RNF144A: variants seen among roughly 807,000 people sequenced by gnomAD.
RNF144A encodes the protein ring finger protein 144A.
In RNF144A, 11 loss-of-function variants were observed where a neutral mutation model predicts 38.7. That is an observed-to-expected ratio of 0.28 (90% CI 0.18 to 0.47). The LOEUF (loss-of-function observed/expected upper bound fraction) is 0.47, where lower values mean the gene tolerates loss of function less well. RNF144A is among the 20% of genes least tolerant of loss of function. The pLI is 0.99. For synonymous variants in RNF144A, 149 were observed against 143.9 expected (o/e 1.04, Z -0.25); for missense variants, 316 against 377.2 (o/e 0.84, Z 1.34).
At chr2:7,045,672 G>A (rs1673278809), downstream of RNF144A, among the ~76,000 whole-genome samples, 1 of 152,174 alleles carries the variant, frequency 6.6e-6, no homozygotes, top group Admixed American at 6.5e-5. Context: ...AGGTTCTGGG[G>A]GTTAGGCTTC....
In RNF144A at chr2:6,990,494, A is replaced by G. The variant is rs1424960837; in HGVS notation, c.-11-6422A>G. 9.8e-5 allele frequency among the ~76,000 whole-genome samples: 14 copies of G among 143,516 alleles called. No homozygotes were observed. In the East Asian group the frequency reaches 2.4e-3, roughly 24 times the overall value. The allele number at this position is 143,516 out of a possible 152,430, so 94.2% of individuals were successfully genotyped here. On this transcript the variant is annotated intron_variant, in intron 2 of 8. Transcript: ENST00000320892. ...ATATAATATATATAGCATAGCATAT[A>G]TATTATATAATATATGATATAACAT... is the stretch of plus-strand genomic sequence containing the variant.
intron 8 of RNF144A, among the ~76,000 whole-genome samples, chr2:7,032,604 T>C (rs1019655486): frequency 1.3e-5 from 2 of 152,242 alleles, no homozygotes; most frequent in Non-Finnish European, 2.9e-5. Context: ...GATGCGTCAC[T>C]GCAATCCTCC....
At chr2:7,045,274 G>A (rs1296877951), downstream of RNF144A, among the ~76,000 whole-genome samples, 1 of 152,216 alleles carries the variant, frequency 6.6e-6, no homozygotes, top group East Asian at 1.9e-4. Flanking sequence ...CTGTGTGGGA[G>A]GAGTGAGTTA....
chr2:6,943,836 G>A lies in RNF144A; in HGVS notation c.-12+2689G>A, dbSNP rs1182118494. 6.6e-6 allele frequency among the ~76,000 whole-genome samples: 1 copy of A among 152,178 alleles called. No individual in the cohort carries two copies. Among genetic ancestry groups the A allele is most frequent in the Non-Finnish European group, 1.5e-5 (1 of 68,034 alleles). On this transcript the variant is annotated intron_variant, in intron 2 of 8. Transcript: ENST00000320892. The surrounding 1 kb of genome is among the most constrained non-coding windows in gnomAD (Gnocchi z 4.3). ...CTACATGGAGAGGGATTGGAAGTTT[G>A]CAGAGACCAGGAGGCAGCAGAAAGT...
At chr2:7,064,092 C>T (rs1370954933) in intron 6 of RNF144A, among the ~76,000 whole-genome samples, 1 of 152,112 alleles carries the variant, frequency 6.6e-6, no homozygotes, top group Admixed American at 6.5e-5. Context: ...TGATAACTAA[C>T]CTGCTTCCAC....
intron 2 of RNF144A, among the ~76,000 whole-genome samples, chr2:6,956,830 G>T (rs1667033323): frequency 6.6e-6 from 1 of 152,150 alleles, no homozygotes. Context: ...AAAATATGCA[G>T]GGCACTTGCA....
Position 7,043,749 on chromosome 2 carries a change from C to T in RNF144A, c.*3989C>T. Reference sequence around the variant, plus strand: ...GTCTCCACCCTTCCTTTGATTTGTGCAATTCTGTCTTCCACAGTTCCGGAG... The same window carrying T: ...GTCTCCACCCTTCCTTTGATTTGTGTAATTCTGTCTTCCACAGTTCCGGAG... On this transcript the variant is annotated 3_prime_UTR_variant, in exon 9 of 9. Coordinates refer to ENST00000320892, the MANE Select transcript of RNF144A (RefSeq NM_014746.6). 2.4e-5 allele frequency: 24 copies of T among 985,832 alleles called. No homozygotes were observed. Among genetic ancestry groups the T allele is most frequent in the Non-Finnish European group, 2.9e-5 (24 of 829,934 alleles). The allele number at this position is 985,832 out of a possible 1,614,324, so 61.1% of individuals were successfully genotyped here. A position where few individuals can be genotyped will look rare whatever the true frequency, so the allele number is the denominator to read the frequency against.
In RNF144A at chr2:7,001,867, CTG is replaced by C. The variant is rs200246190; in HGVS notation, c.135+4811_135+4812del. Reference sequence around the variant, plus strand: ...CTGTTCTGCCTCTGCTACCTGCTAACTGTGTGATTTTTAGCAAGCATCCTAAC... The same window carrying C: ...CTGTTCTGCCTCTGCTACCTGCTAACTGTGATTTTTAGCAAGCATCCTAAC... On this transcript the variant is annotated intron_variant, in intron 3 of 8. Coordinates refer to ENST00000320892, the MANE Select transcript of RNF144A (RefSeq NM_014746.6). 6.3e-3 allele frequency among the ~76,000 whole-genome samples: 964 copies of C among 152,270 alleles called. 7 individuals are homozygous for C. Among genetic ancestry groups the C allele is most frequent in the African/African-American group, 0.02 (827 of 41,532 alleles).
chr2:6,951,390 T>C (rs1666668780), intron 2 of RNF144A, among the ~76,000 whole-genome samples: 1 of 152,184 alleles, frequency 6.6e-6, no homozygotes, highest in African/African-American at 2.4e-5. Context: ...GCACTTGGCT[T>C]CCAACCTTTT....
At position 7,030,226 on chromosome 2, in the gene RNF144A, A is replaced by G; in HGVS notation, c.747+11A>G. The G allele has an allele frequency of 6.4e-7, 1 of 1,569,152 alleles. No homozygotes were observed. The highest frequency in any genetic ancestry group is 8.7e-7 in the Non-Finnish European group (1 of 1,144,990). On this transcript the variant is annotated intron_variant, in intron 8 of 8. Transcript: ENST00000320892. ...TGGCATCGGACACAGGTAGGAGGTG[A>G]TTTGCCTGGAAGGTTGATCTCAGAG...
At chr2:6,992,347 G>A (rs1041659853) in intron 2 of RNF144A, among the ~76,000 whole-genome samples, 3 of 152,296 alleles carry the variant, frequency 2.0e-5, no homozygotes, top group East Asian at 1.9e-4. Context: ...TGATGCTGAT[G>A]CTGGTGTTTA....
Position 6,973,889 on chromosome 2 carries a change from C to G in RNF144A, c.-11-23027C>G, listed in dbSNP as rs573384811. On this transcript the variant is annotated intron_variant, in intron 2 of 8. Coordinates refer to ENST00000320892, the MANE Select transcript of RNF144A (RefSeq NM_014746.6). Reference sequence around the variant, plus strand: ...CAGAGAGGTCTTTTCTACAGAGACCCCATGATCCACAAAGCCTGAAATATT... The same window carrying G: ...CAGAGAGGTCTTTTCTACAGAGACCGCATGATCCACAAAGCCTGAAATATT... 2.6e-5 allele frequency among the ~76,000 whole-genome samples: 4 copies of G among 152,302 alleles called. No homozygotes were observed. The South Asian group carries it at 8.3e-4, about 32-fold the overall frequency.
chr2:6,989,194 C>CAT (rs1669177594), intron 2 of RNF144A, among the ~76,000 whole-genome samples: 2 of 152,198 alleles, frequency 1.3e-5, no homozygotes, highest in Non-Finnish European at 2.9e-5. Context: ...GGTGTGTGCA[C>CAT]ACAAGTCTAT....
At chr2:6,994,874 G>A (rs1248635034) in intron 2 of RNF144A, among the ~76,000 whole-genome samples, 2 of 152,172 alleles carry the variant, frequency 1.3e-5, no homozygotes, top group South Asian at 2.1e-4. Flanking sequence ...TGCAGATCCC[G>A]GGCGGTCTTC....
intron 2 of RNF144A, among the ~76,000 whole-genome samples, chr2:6,986,036 C>T (rs1041396180): frequency 6.6e-6 from 1 of 152,128 alleles, no homozygotes; most frequent in Non-Finnish European, 1.5e-5. Flanking sequence ...GTGGAAGAGG[C>T]CTCTCACTGA....
intron 5 of RNF144A, 143 bp from the exon 6 acceptor site, chr2:7,020,330 G>A (rs1350428450): frequency 2.8e-5 from 19 of 681,630 alleles, no homozygotes; most frequent in Middle Eastern, 4.0e-4. Flanking sequence ...TGGCTTGGGC[G>A]GTGCTTCGGT....
In RNF144A at chr2:7,041,578, G is replaced by C; in HGVS notation, c.*1818G>C. ...TGTGATGGTGTCTACTGTTAGAATA[G>C]CTTTTCTGGAGGTGGGTGGCAACTC... is the stretch of plus-strand genomic sequence containing the variant. On this transcript the variant is annotated 3_prime_UTR_variant, in exon 9 of 9. Transcript: ENST00000320892. 2.0e-6 allele frequency: 2 copies of C among 986,026 alleles called. No homozygotes were observed. The highest frequency in any genetic ancestry group is 2.4e-6 in the Non-Finnish European group (2 of 829,974). The allele number at this position is 986,026 out of a possible 1,614,324, so 61.1% of individuals were successfully genotyped here.
At chr2:6,980,725 C>G (rs1295318241) in intron 2 of RNF144A, among the ~76,000 whole-genome samples, 1 of 152,226 alleles carries the variant, frequency 6.6e-6, no homozygotes, top group Non-Finnish European at 1.5e-5. Flanking sequence ...AGGACAGTGG[C>G]CCTCTTCTCA....
At chr2:6,986,158 G>A (rs1033086990) in intron 2 of RNF144A, among the ~76,000 whole-genome samples, 9 of 152,118 alleles carry the variant, frequency 5.9e-5, no homozygotes, top group African/African-American at 1.9e-4. Context: ...CAGCATCCTC[G>A]GGTTACAGAT....
Sources: gnomAD v4.1 joint callset for allele counts (sites outside exome capture counted in the v4.1 genomes callset) on GRCh38, gnomAD v4.1.1 for gene constraint, Gnocchi (gnomAD v3.1) non-coding constraint, MANE v1.5 for transcripts, NCBI Gene and HGNC (gene_info 2026-07-23, HGNC 2026-07-21) for gene names.